FHIP1A: variants seen among roughly 807,000 people sequenced by gnomAD.
The protein encoded by FHIP1A is FHF complex subunit HOOK interacting protein 1A.
Under a neutral mutation model 88.6 loss-of-function variants are expected in FHIP1A, and 61 were observed. The observed-to-expected ratio is 0.69, with a 90% CI of 0.56 to 0.85. The LOEUF (loss-of-function observed/expected upper bound fraction) is 0.85. Among genes scored for constraint, FHIP1A ranks in the 40% least tolerant of loss-of-function variants. FHIP1A has a pLI of 0.00. For synonymous variants in FHIP1A, 478 were observed against 496.0 expected, an observed-to-expected ratio of 0.96 and a Z score of 0.48; for missense variants, 1,154 against 1,273.5, an observed-to-expected ratio of 0.91 and a Z score of 1.43.
At chr4:151,434,024 A>G (rs1381599984) in intron 1 of FHIP1A, among the ~76,000 whole-genome samples, 1 of 152,196 alleles carries the variant, frequency 6.6e-6, no homozygotes, top group Non-Finnish European at 1.5e-5. Flanking sequence ...GCTTCCCTGA[A>G]GAAGTGCAAA....
Position 151,419,568 on chromosome 4 carries a change from C to CTTTTTTTT in FHIP1A, c.-356+10130_-356+10137dup, listed in dbSNP as rs70941499. Among the ~76,000 whole-genome samples the CTTTTTTTT allele has an allele frequency of 1.4e-3, 31 of 21,978 alleles. 1 individual carries two copies. The highest frequency in any genetic ancestry group is 2.1e-3 in the African/African-American group (10 of 4,658). The allele number at this position is 21,978 out of a possible 152,430, so 14.4% of individuals were successfully genotyped here. A position where few individuals can be genotyped will look rare whatever the true frequency, so the allele number is the denominator to read the frequency against. On this transcript the variant is annotated intron_variant, in intron 1 of 13. Coordinates refer to ENST00000435205, the MANE Select transcript of FHIP1A (RefSeq NM_001109977.3). Reference sequence around the variant, plus strand: ...CTGCCATGCTGGTCTGTTCCTCATTCTTTTTTTTTTTTTTTTTTTTTTTTT... The same window carrying CTTTTTTTT: ...CTGCCATGCTGGTCTGTTCCTCATTCTTTTTTTTTTTTTTTTTTTTTTTTTTTTTTTTT...
Position 151,649,451 on chromosome 4 carries a change from C to T in FHIP1A, c.1418-8C>T, listed in dbSNP as rs1312840113. On this transcript the variant is annotated splice_region_variant and splice_polypyrimidine_tract_variant and intron_variant, in intron 10 of 13. Transcript: ENST00000435205. ...CCTTGTTCTAACCAGCCTCTGCCTC[C>T]TGTGCAGGGCCTGTGGAGCGGCCAT... The T allele has an allele frequency of 1.3e-6, 2 of 1,538,086 alleles. No homozygotes were observed. Among genetic ancestry groups the T allele is most frequent in the South Asian group, 2.5e-5 (2 of 80,948 alleles).
rs943933261 is a variant in FHIP1A at position 151,491,125 on chromosome 4, A to G, written c.-123+8477A>G. ...TTGCTAGAGATCTAGACATCCAAATATAAGAAGCTCAAAGAACATCTGGGA... is the reference window on the plus strand; with the variant it reads ...TTGCTAGAGATCTAGACATCCAAATGTAAGAAGCTCAAAGAACATCTGGGA... On this transcript the variant is annotated intron_variant, in intron 3 of 13. Coordinates refer to ENST00000435205, the MANE Select transcript of FHIP1A (RefSeq NM_001109977.3). Among the ~76,000 whole-genome samples the G allele has an allele frequency of 6.6e-5, 10 of 152,214 alleles. No individual in the cohort carries two copies. The South Asian group carries it at 1.9e-3, about 28-fold the overall frequency.
At chr4:151,453,244 G>A (rs1728858047) in intron 1 of FHIP1A, among the ~76,000 whole-genome samples, 1 of 152,104 alleles carries the variant, frequency 6.6e-6, no homozygotes, top group African/African-American at 2.4e-5. Flanking sequence ...TCAATCTCCT[G>A]ACCTCAAGTG....
At chr4:151,614,131 C>G (rs899595005) in intron 7 of FHIP1A, among the ~76,000 whole-genome samples, 1 of 147,352 alleles carries the variant, frequency 6.8e-6, no homozygotes, top group Non-Finnish European at 1.5e-5. Context: ...CCATTGCACT[C>G]TAGCCTGGGT....
intron 2 of FHIP1A, among the ~76,000 whole-genome samples, chr4:151,472,554 A>G (rs904856284): frequency 6.6e-6 from 1 of 151,154 alleles, no homozygotes; most frequent in Admixed American, 6.6e-5. Context: ...ATTGCCAAGG[A>G]TGTTTATTAC....
intron 7 of FHIP1A, among the ~76,000 whole-genome samples, chr4:151,602,903 T>C (rs10007653): frequency 0.32 from 48,569 of 152,072 alleles, 7,788 homozygotes; most frequent in Non-Finnish European, 0.33. Flanking sequence ...TTGTCCTGCT[T>C]TCTAGCTATA....
chr4:151,546,677 C>T (rs904724541), intron 3 of FHIP1A, among the ~76,000 whole-genome samples: 1 of 152,132 alleles, frequency 6.6e-6, no homozygotes, highest in Non-Finnish European at 1.5e-5. Context: ...CTCAGTTACC[C>T]AGGACTGAAG....
chr4:151,454,021 ACAGG>A (rs1728886048), intron 1 of FHIP1A, among the ~76,000 whole-genome samples: 1 of 152,226 alleles, frequency 6.6e-6, no homozygotes, highest in Non-Finnish European at 1.5e-5. Flanking sequence ...ATTCGTTATT[ACAGG>A]TAATGCTGTG....
At chr4:151,452,669 TG>T (rs1379040817) in intron 1 of FHIP1A, among the ~76,000 whole-genome samples, 2 of 151,788 alleles carry the variant, frequency 1.3e-5, no homozygotes, top group African/African-American at 4.8e-5. Flanking sequence ...CCCAGCTACT[TG>T]GGAAAATGAG....
chr4:151,647,908 A>T (rs1028201993), intron 10 of FHIP1A, among the ~76,000 whole-genome samples: 1 of 152,192 alleles, frequency 6.6e-6, no homozygotes, highest in African/African-American at 2.4e-5. Context: ...TGCTTTGAAG[A>T]AGGTAGTATT....
intron 3 of FHIP1A, among the ~76,000 whole-genome samples, chr4:151,527,163 C>G (rs1409201173): frequency 1.3e-5 from 2 of 152,192 alleles, no homozygotes; most frequent in Non-Finnish European, 2.9e-5. Flanking sequence ...CCTGGGAGGC[C>G]AAGGCAGGCT....
chr4:151,438,125 T>C (rs1728269464), intron 1 of FHIP1A, among the ~76,000 whole-genome samples: 2 of 151,654 alleles, frequency 1.3e-5, no homozygotes, highest in Non-Finnish European at 2.9e-5. Context: ...TTAGTAGATG[T>C]GTTTATTAAG....
intron 10 of FHIP1A, 62 bp downstream of exon 10, chr4:151,646,810 T>A (rs1348916367): frequency 1.7e-6 from 2 of 1,161,142 alleles, no homozygotes; most frequent in Non-Finnish European, 2.4e-6. Flanking sequence ...CGCCTTGGGA[T>A]ATGTGTCCCT....
intron 3 of FHIP1A, among the ~76,000 whole-genome samples, chr4:151,504,448 C>T (rs1320387220): frequency 6.6e-6 from 1 of 152,204 alleles, no homozygotes; most frequent in African/African-American, 2.4e-5. Context: ...TCCCCAGATA[C>T]TTCCTCAGCC....
At chr4:151,548,928 C>G (rs966647484) in intron 3 of FHIP1A, among the ~76,000 whole-genome samples, 2 of 152,322 alleles carry the variant, frequency 1.3e-5, no homozygotes, top group Middle Eastern at 3.4e-3. Flanking sequence ...GGGTGCCCCT[C>G]GCAGATGGAA....
chr4:151,580,499 G>GA (rs1733980463), intron 5 of FHIP1A, among the ~76,000 whole-genome samples: 2 of 152,038 alleles, frequency 1.3e-5, no homozygotes, highest in Non-Finnish European at 2.9e-5. Flanking sequence ...TGTCAAGAGT[G>GA]AAAAAAACAA....
chr4:151,476,289 G>C (rs1227175003), intron 2 of FHIP1A, among the ~76,000 whole-genome samples: 3 of 150,916 alleles, frequency 2.0e-5, no homozygotes, highest in African/African-American at 7.3e-5. Context: ...TTACAGGTGT[G>C]CACCACCATG....
In FHIP1A at chr4:151,448,391, A is replaced by G. The variant is rs936989117; in HGVS notation, c.-355-6310A>G. Among the ~76,000 whole-genome samples the G allele has an allele frequency of 2.0e-5, 3 of 152,308 alleles. No individual in the cohort carries two copies. In the Middle Eastern group the frequency reaches 0.01, roughly 518 times the overall value. On this transcript the variant is annotated intron_variant, in intron 1 of 13. Coordinates refer to ENST00000435205, the MANE Select transcript of FHIP1A (RefSeq NM_001109977.3). ...AGTAGGTTCACATTGTTGTACAACC[A>G]TTACCACCATCCATCTCCAGAAGTG... is the stretch of plus-strand genomic sequence containing the variant.
Sources: gnomAD v4.1 joint callset for allele counts (sites outside exome capture counted in the v4.1 genomes callset) on GRCh38, gnomAD v4.1.1 for gene constraint, MANE v1.5 for transcripts, NCBI Gene and HGNC (gene_info 2026-07-23, HGNC 2026-07-21) for gene names.